Variants in GTF2IRD1 observed in about 807,000 individuals in gnomAD.
GTF2IRD1 encodes general transcription factor II-I repeat domain-containing protein 1.
Under a neutral mutation model 113.2 loss-of-function variants are expected in GTF2IRD1, and 26 were observed. The observed-to-expected ratio is 0.23, with a 90% confidence interval of 0.17 to 0.32. The LOEUF (loss-of-function observed/expected upper bound fraction) is 0.32. Ranked by LOEUF, GTF2IRD1 falls within the 10% of genes least tolerant of loss-of-function variation. GTF2IRD1 has a pLI of 1.00. For synonymous variants in GTF2IRD1, 484 were observed against 529.1 expected (o/e 0.91, Z 1.17); for missense variants, 864 against 1,280.8 (o/e 0.67, Z 4.97).
At chr7:74,462,199 C>A (rs1554329475) in intron 1 of GTF2IRD1, among the ~76,000 whole-genome samples, 1 of 151,614 alleles carries the variant, frequency 6.6e-6, no homozygotes, top group East Asian at 1.9e-4. Context: ...CATAGCAAGA[C>A]CCCGTCTCTT....
At chr7:74,556,486 A>G (rs1327014929) in intron 19 of GTF2IRD1, among the ~76,000 whole-genome samples, 2 of 150,850 alleles carry the variant, frequency 1.3e-5, no homozygotes, top group Admixed American at 6.6e-5. Context: ...ACACCCGGCT[A>G]ATTTTTGTAT....
Position 74,601,104 on chromosome 7 carries a change from C to T in GTF2IRD1, c.2690C>T (p.Ser897Phe). The T allele has an allele frequency of 1.2e-6, 2 of 1,613,936 alleles. No homozygotes were observed. Among genetic ancestry groups the T allele is most frequent in the East Asian group, 2.2e-5 (1 of 44,886 alleles). Residue 897 changes from serine (S) to phenylalanine (F), a missense_variant, in exon 26 of 27, where the codon TCC becomes TTC. By Grantham distance (155) the Ser-to-Phe change is radical. Around this residue, in one of 7 missense-constraint regions of GTF2IRD1, gnomAD observed 55 missense variants for 52.2 expected, o/e 1.05. Transcript: ENST00000424337. ...CGGGTCTCGGAAGGAAATTCCGTCTCCTCTTCCTCCTCGTCTTCCTCTTCC... is the reference window on the plus strand; with the variant it reads ...CGGGTCTCGGAAGGAAATTCCGTCTTCTCTTCCTCCTCGTCTTCCTCTTCC... ...RKRVSEGNSVSSSSSSSSSSS... is the reference protein window; with the variant it reads ...RKRVSEGNSVFSSSSSSSSSS...
At chr7:74,519,850 A>T in intron 6 of GTF2IRD1, 131 bp downstream of exon 6, 1 of 643,884 alleles carries the variant, frequency 1.6e-6, no homozygotes, top group African/African-American at 1.8e-5. Flanking sequence ...TGGGCATGGG[A>T]GTGGGACTGG....
intron 4 of GTF2IRD1, among the ~76,000 whole-genome samples, chr7:74,516,422 T>C (rs913866277): frequency 6.6e-6 from 1 of 152,220 alleles, no homozygotes; most frequent in Non-Finnish European, 1.5e-5. Context: ...CTCAGCCATG[T>C]CTTTCCTGCA....
chr7:74,567,309 A>G (rs782629266), intron 22 of GTF2IRD1, among the ~76,000 whole-genome samples: 6 of 151,908 alleles, frequency 3.9e-5, no homozygotes, highest in Non-Finnish European at 7.4e-5. Context: ...ACCCGGCGAC[A>G]CAGCGAGACC....
At chr7:74,567,564 G>A (rs1259555724) in intron 22 of GTF2IRD1, among the ~76,000 whole-genome samples, 2 of 152,076 alleles carry the variant, frequency 1.3e-5, no homozygotes, top group Admixed American at 1.3e-4. Flanking sequence ...AATGAGAAAG[G>A]CAAGTGATTG....
At chr7:74,513,981 C>T (rs1487512167) in intron 3 of GTF2IRD1, among the ~76,000 whole-genome samples, 1 of 152,134 alleles carries the variant, frequency 6.6e-6, no homozygotes, top group African/African-American at 2.4e-5. Flanking sequence ...CCCCTGCACT[C>T]CAGCCTGGGT....
At chr7:74,519,744 A>G in intron 6 of GTF2IRD1, 25 bp downstream of exon 6, 1 of 1,508,488 alleles carries the variant, frequency 6.6e-7, no homozygotes, top group East Asian at 2.3e-5. Flanking sequence ...GGGATCTCCA[A>G]GTCTAGGGGG....
chr7:74,454,657 G>T (rs1554326693), intron 1 of GTF2IRD1, among the ~76,000 whole-genome samples: 1 of 152,056 alleles, frequency 6.6e-6, no homozygotes. Context: ...GCGGAGTCCA[G>T]TCCAGCCAGG....
chr7:74,502,603 G>C (rs556692557), intron 1 of GTF2IRD1, among the ~76,000 whole-genome samples: 2 of 152,234 alleles, frequency 1.3e-5, no homozygotes, highest in African/African-American at 2.4e-5. Flanking sequence ...CCCCAGCCTG[G>C]AGGCAGCCCT....
rs1324104953 is a variant in GTF2IRD1 at position 74,577,658 on chromosome 7, A to AT, written c.2321-12179dup. Among the ~76,000 whole-genome samples, 207 of 141,766 alleles carry AT rather than the reference A, an allele frequency of 1.5e-3. 2 individuals carry two copies. The East Asian group carries it at 0.015, about 10-fold the overall frequency. The allele number at this position is 141,766 out of a possible 152,430, so 93.0% of individuals were successfully genotyped here. ...TTTTCACTGGTTGATTTCTTTTTTA[A>AT]TTTTTTTTTTTTTTAAAGACAGTCT... On this transcript the variant is annotated intron_variant, in intron 22 of 26. Coordinates refer to ENST00000424337, the MANE Select transcript of GTF2IRD1 (RefSeq NM_005685.4).
intron 1 of GTF2IRD1, among the ~76,000 whole-genome samples, chr7:74,499,840 T>G (rs1795927584): frequency 6.6e-6 from 1 of 151,120 alleles, no homozygotes; most frequent in Non-Finnish European, 1.5e-5. Context: ...GCACACCAAG[T>G]AATTAGTGAA....
chr7:74,602,058 A>G (rs587636171), intron 26 of GTF2IRD1: 135 of 204,242 alleles, frequency 6.6e-4, no homozygotes, highest in Non-Finnish European at 9.7e-4. Context: ...CCTGGCCAAC[A>G]TGGCAAAACC....
At chr7:74,539,763 G>A (rs1798521638) in intron 13 of GTF2IRD1, 116 bp from the exon 14 acceptor site, 2 of 639,840 alleles carry the variant, frequency 3.1e-6, no homozygotes, top group Non-Finnish European at 5.5e-6. Context: ...AAAAAAAAGA[G>A]ACAGAAAGAA....
chr7:74,538,081 G>A, intron 11 of GTF2IRD1, 55 bp from the exon 12 acceptor site: 2 of 1,579,542 alleles, frequency 1.3e-6, no homozygotes, highest in East Asian at 2.2e-5. Flanking sequence ...GCAAGGCTGG[G>A]GCAGGGTGGC....
chr7:74,521,868 G>A (rs188873790), intron 7 of GTF2IRD1, among the ~76,000 whole-genome samples: 13 of 152,294 alleles, frequency 8.5e-5, no homozygotes, highest in African/African-American at 1.9e-4. Context: ...GGGACTGGCC[G>A]AGTTGGGCAG....
intron 22 of GTF2IRD1, among the ~76,000 whole-genome samples, chr7:74,574,572 G>T (rs1283547167): frequency 1.3e-5 from 2 of 150,302 alleles, no homozygotes; most frequent in African/African-American, 4.9e-5. Context: ...TGATCCTCCT[G>T]CCTCAGCCTC....
rs138603712 is a variant in GTF2IRD1, at chr7:74,510,678, G to A, written c.124-2152G>A. ...TTCAGTTGCACCAGCCTCATTTTACGTGCTCAGTAGTCAGAAGTGGCTGGT... is the reference window on the plus strand; with the variant it reads ...TTCAGTTGCACCAGCCTCATTTTACATGCTCAGTAGTCAGAAGTGGCTGGT... On this transcript the variant is annotated intron_variant, in intron 2 of 26. Coordinates refer to ENST00000424337, the MANE Select transcript of GTF2IRD1 (RefSeq NM_005685.4). 3.2e-3 allele frequency among the ~76,000 whole-genome samples: 484 copies of A among 152,262 alleles called. 1 individual carries two copies. Among genetic ancestry groups the A allele is most frequent in the Middle Eastern group, 0.01 (3 of 294 alleles).
chr7:74,601,763 C>T, intron 26 of GTF2IRD1: 1 of 181,502 alleles, frequency 5.5e-6, no homozygotes, highest in South Asian at 1.3e-4. Flanking sequence ...GCCTGGGCAA[C>T]AAGAGTGAAA....
Sources: gnomAD v4.1 joint callset for allele counts (sites outside exome capture counted in the v4.1 genomes callset) on GRCh38, gnomAD v4.1.1 for gene constraint, gnomAD v4.1.1 regional missense constraint, MANE v1.5 for transcripts, NCBI Gene and HGNC (gene_info 2026-07-23, HGNC 2026-07-21) for gene names.